Variants in CACNA2D1 observed in about 807,000 individuals in gnomAD.
The protein encoded by CACNA2D1 is voltage-dependent calcium channel subunit alpha-2/delta-1.
Under a neutral mutation model 171.5 loss-of-function variants are expected in CACNA2D1, and 53 were observed. The observed-to-expected ratio is 0.31, with a 90% CI of 0.25 to 0.39. CACNA2D1 has a LOEUF of 0.39. Ranked by LOEUF, CACNA2D1 falls within the 10% of genes least tolerant of loss-of-function variation. The pLI, the probability that CACNA2D1 is intolerant of heterozygous loss-of-function variation, is 1.00. For synonymous variants in CACNA2D1, 442 were observed against 443.1 expected (o/e 1.00, Z 0.03); for missense variants, 903 against 1,299.8 (o/e 0.69, Z 4.69).
At chr7:82,225,774 A>G (rs2129265012) in intron 3 of CACNA2D1, among the ~76,000 whole-genome samples, 1 of 152,310 alleles carries the variant, frequency 6.6e-6, no homozygotes, top group Non-Finnish European at 1.5e-5. Flanking sequence ...TTGAAGGAAG[A>G]GAGGTATTGC....
chr7:82,409,053 AT>A (rs1156972917), intron 1 of CACNA2D1, among the ~76,000 whole-genome samples: 1 of 151,498 alleles, frequency 6.6e-6, no homozygotes, highest in East Asian at 1.9e-4. Context: ...TTATTGAACT[AT>A]TGTACCTAGC....
intron 3 of CACNA2D1, among the ~76,000 whole-genome samples, chr7:82,258,306 A>C (rs1421843901): frequency 6.6e-6 from 1 of 150,460 alleles, no homozygotes; most frequent in African/African-American, 2.5e-5. Flanking sequence ...GACAGAAGGC[A>C]GCAAAAAAAA....
chr7:82,339,030 T>C (rs1585560882), intron 2 of CACNA2D1, among the ~76,000 whole-genome samples: 1 of 152,146 alleles, frequency 6.6e-6, no homozygotes, highest in Non-Finnish European at 1.5e-5. Flanking sequence ...GTTCACTATC[T>C]ATATCAAGAG....
chr7:82,231,436 G>A lies in CACNA2D1; in HGVS notation c.295-60827C>T, dbSNP rs147346163. On this transcript the variant is annotated intron_variant, in intron 3 of 38. Coordinates refer to ENST00000356860, the MANE Select transcript of CACNA2D1 (RefSeq NM_000722.4). ...ATTCACATTTGCAGCTGCATTAACTGTGCTTGTTTAGTAGCTGACATTCAC... is the reference window on the plus strand; with the variant it reads ...ATTCACATTTGCAGCTGCATTAACTATGCTTGTTTAGTAGCTGACATTCAC... Among the ~76,000 whole-genome samples the A allele has an allele frequency of 6.7e-3, 1,016 of 152,272 alleles. 5 individuals carry two copies. Among genetic ancestry groups the A allele is most frequent in the Non-Finnish European group, 0.012 (812 of 68,026 alleles).
chr7:82,024,434 C>T (rs1182075417), intron 12 of CACNA2D1, among the ~76,000 whole-genome samples: 1 of 151,588 alleles, frequency 6.6e-6, no homozygotes, highest in Non-Finnish European at 1.5e-5. Flanking sequence ...CTATTGGCTA[C>T]CTCTATGTCT....
chr7:82,369,570 C>T, intron 1 of CACNA2D1, among the ~76,000 whole-genome samples: 1 of 151,984 alleles, frequency 6.6e-6, no homozygotes, highest in Non-Finnish European at 1.5e-5. Context: ...TATTCTACTA[C>T]TAAAACAGGC....
At chr7:82,285,233 C>T (rs1431669725) in intron 3 of CACNA2D1, among the ~76,000 whole-genome samples, 1 of 152,082 alleles carries the variant, frequency 6.6e-6, no homozygotes, top group Non-Finnish European at 1.5e-5. Context: ...GAGACTTCCT[C>T]GCTCTTGCAT....
intron 16 of CACNA2D1, 139 bp from the exon 17 acceptor site, chr7:82,005,978 C>A: frequency 1.4e-6 from 1 of 690,394 alleles, no homozygotes; most frequent in South Asian, 1.6e-5. Flanking sequence ...GAAGCACTCT[C>A]AGTGTCAATT....
At chr7:82,218,206 T>TTGTA (rs1201402678) in intron 3 of CACNA2D1, among the ~76,000 whole-genome samples, 1 of 152,110 alleles carries the variant, frequency 6.6e-6, no homozygotes, top group East Asian at 1.9e-4. Flanking sequence ...AGTGCTGGGA[T>TTGTA]TACAGGTGTA....
intron 10 of CACNA2D1, among the ~76,000 whole-genome samples, chr7:82,049,380 AAAC>A (rs1367167082): frequency 6.6e-6 from 1 of 152,184 alleles, no homozygotes; most frequent in African/African-American, 2.4e-5. Context: ...ATCCCCAAAG[AAAC>A]AAATGTCTAC....
intron 8 of CACNA2D1, 32 bp downstream of exon 8, chr7:82,066,423 T>G: frequency 6.2e-7 from 1 of 1,610,460 alleles, no homozygotes; most frequent in Non-Finnish European, 8.5e-7. Context: ...CTTGCCTATT[T>G]TATCTTTTCA....
At chr7:81,979,436 T>C (rs1284609202) in intron 24 of CACNA2D1, among the ~76,000 whole-genome samples, 1 of 152,180 alleles carries the variant, frequency 6.6e-6, no homozygotes, top group Non-Finnish European at 1.5e-5. Context: ...TCTATGTATC[T>C]GGATTCTACC....
At position 82,016,623 on chromosome 7, in the gene CACNA2D1, A is replaced by C. The variant is rs867376024; in HGVS notation, c.1144-2144T>G. 2.7e-3 allele frequency among the ~76,000 whole-genome samples: 132 copies of C among 49,488 alleles called. 1 individual carries two copies. Among genetic ancestry groups the C allele is most frequent in the Non-Finnish European group, 3.0e-3 (69 of 23,110 alleles). 32.5% of individuals were successfully genotyped at this position (49,488 alleles called of 152,430 possible). ...CACTAGCCGCCCGCCCCCCCCCCCCAAAAAAAAAGCTTGTTGCTTTATTTA... is the reference window on the plus strand; with the variant it reads ...CACTAGCCGCCCGCCCCCCCCCCCCCAAAAAAAAGCTTGTTGCTTTATTTA... On this transcript the variant is annotated intron_variant, in intron 12 of 38. Transcript: ENST00000356860.
chr7:82,119,478 T>C (rs1789466293), intron 5 of CACNA2D1, among the ~76,000 whole-genome samples: 1 of 152,194 alleles, frequency 6.6e-6, no homozygotes, highest in Admixed American at 6.5e-5. Context: ...ATTTGGAAAG[T>C]CATAATGATA....
At chr7:82,335,030 T>A in intron 3 of CACNA2D1, 105 bp downstream of exon 3, 1 of 791,570 alleles carries the variant, frequency 1.3e-6, no homozygotes, top group Non-Finnish European at 2.3e-6. Flanking sequence ...TGAACACAGT[T>A]ACTAAGAAGA....
chr7:82,349,708 C>T lies in CACNA2D1; in HGVS notation c.96-59G>A, dbSNP rs1819627679. 3 of 1,294,294 alleles carry T rather than the reference C, an allele frequency of 2.3e-6. No homozygotes were observed. In the South Asian group the frequency reaches 3.5e-5, roughly 15 times the overall value. 80.2% of individuals were successfully genotyped at this position (1,294,294 alleles called of 1,614,324 possible). ...ATCTCTGGCAAATAAAAGTCACATGCTGATATTTTATATCCACGCTACAGA... is the reference window on the plus strand; with the variant it reads ...ATCTCTGGCAAATAAAAGTCACATGTTGATATTTTATATCCACGCTACAGA... On this transcript the variant is annotated intron_variant, in intron 1 of 38. Coordinates refer to ENST00000356860, the MANE Select transcript of CACNA2D1 (RefSeq NM_000722.4).
At chr7:82,077,129 A>C (rs1165677430) in intron 7 of CACNA2D1, among the ~76,000 whole-genome samples, 1 of 152,168 alleles carries the variant, frequency 6.6e-6, no homozygotes, top group Non-Finnish European at 1.5e-5. Flanking sequence ...TACCTAATTA[A>C]ATTTAAATTT....
chr7:82,304,564 G>C (rs1390769964), intron 3 of CACNA2D1, among the ~76,000 whole-genome samples: 1 of 152,112 alleles, frequency 6.6e-6, no homozygotes, highest in Admixed American at 6.5e-5. Context: ...AATATGAATG[G>C]AACCGGAGAT....
chr7:82,366,903 C>CTTTTTTTTTTTTTTTTTTTTTTTTTT lies in CACNA2D1; in HGVS notation c.96-17255_96-17254insAAAAAAAAAAAAAAAAAAAAAAAAAA, dbSNP rs71093376. 4.1e-4 allele frequency among the ~76,000 whole-genome samples: 36 copies of CTTTTTTTTTTTTTTTTTTTTTTTTTT among 86,970 alleles called. 4 individuals carry two copies. The highest frequency in any genetic ancestry group is 5.4e-4 in the African/African-American group (14 of 25,952). 57.1% of individuals were successfully genotyped at this position (86,970 alleles called of 152,430 possible). A position where few individuals can be genotyped will look rare whatever the true frequency, so the allele number is the denominator to read the frequency against. The stretch of plus-strand genomic sequence containing the variant: ...CCTGCCAGCATCCACTGGTTTTGAC[C>CTTTTTTTTTTTTTTTTTTTTTTTTTT]TTTTTTTTTTTTTTTTTTTTTTTGA... On this transcript the variant is annotated intron_variant, in intron 1 of 38. Coordinates refer to ENST00000356860, the MANE Select transcript of CACNA2D1 (RefSeq NM_000722.4).
Sources: gnomAD v4.1 joint callset for allele counts (sites outside exome capture counted in the v4.1 genomes callset) on GRCh38, gnomAD v4.1.1 for gene constraint, MANE v1.5 for transcripts, NCBI Gene and HGNC (gene_info 2026-07-23, HGNC 2026-07-21) for gene names.